Variants in PPP1R13B observed in about 807,000 individuals in gnomAD.
The protein encoded by PPP1R13B is protein phosphatase 1 regulatory subunit 13B, also known as apoptosis-stimulating of p53 protein 1.
Under a neutral mutation model 119.8 loss-of-function variants are expected in PPP1R13B, and 44 were observed. That is an observed-to-expected ratio of 0.37 (90% CI 0.29 to 0.47). The LOEUF is 0.47. Among genes scored for constraint, PPP1R13B ranks in the 20% least tolerant of loss-of-function variants. PPP1R13B has a pLI of 0.99. For missense variants in PPP1R13B, 1,227 were observed against 1,413.5 expected, an observed-to-expected ratio of 0.87 and a Z score of 2.12; for synonymous variants, 542 against 561.5, an observed-to-expected ratio of 0.97 and a Z score of 0.49.
intron 15 of PPP1R13B, 157 bp from the exon 16 acceptor site, chr14:103,736,359 G>A: frequency 2.8e-6 from 2 of 719,024 alleles, no homozygotes; most frequent in Non-Finnish European, 4.6e-6. Context: ...GAAGACTAGG[G>A]CCCCCACCCG....
Position 103,738,927 on chromosome 14 carries a change from G to A in PPP1R13B, c.2689C>T (p.Leu897=), listed in dbSNP as rs758708307. The change falls in exon 13 of 17, where the codon CTG becomes TTG. Residue 897 remains leucine (L), a synonymous_variant. Transcript: ENST00000202556. This position sits in a 1 kb window ranked among gnomAD's most constrained non-coding sequence, Gnocchi z 5.6. ...TGCACCAGATCGAACTCTCCTTCCA[G>A]AGACGCGTCTAGGAGCAGTGCCAGG... The part of the protein sequence containing the change: ...NPLALLLDAS[L]EGEFDLVQRI... 1 of 1,614,094 alleles carries A rather than the reference G, an allele frequency of 6.2e-7. No individual in the cohort carries two copies.
At chr14:103,820,105 A>G (rs1280418662) in intron 1 of PPP1R13B, among the ~76,000 whole-genome samples, 1 of 152,176 alleles carries the variant, frequency 6.6e-6, no homozygotes, top group Non-Finnish European at 1.5e-5. Flanking sequence ...GGGGCAGGGG[A>G]AAAAGGCCAG....
chr14:103,846,211 A>G (rs1295933935), intron 1 of PPP1R13B, among the ~76,000 whole-genome samples: 2 of 152,218 alleles, frequency 1.3e-5, no homozygotes, highest in Admixed American at 1.3e-4. Context: ...AAACCTTAAG[A>G]CTTGGAAAAC....
chr14:103,844,526 T>G (rs1328736149), intron 1 of PPP1R13B, among the ~76,000 whole-genome samples: 1 of 151,994 alleles, frequency 6.6e-6, no homozygotes, highest in Admixed American at 6.6e-5. Flanking sequence ...GGTCATGAGT[T>G]CAAGGTCAGC....
At chr14:103,805,348 ATT>A (rs1219844456) in intron 1 of PPP1R13B, among the ~76,000 whole-genome samples, 6 of 152,060 alleles carry the variant, frequency 3.9e-5, no homozygotes, top group Non-Finnish European at 5.9e-5. Flanking sequence ...ACGGTGGCAG[ATT>A]ACTTGAGCTC....
At chr14:103,845,520 C>T (rs960113986) in intron 1 of PPP1R13B, among the ~76,000 whole-genome samples, 2 of 151,884 alleles carry the variant, frequency 1.3e-5, no homozygotes, top group Admixed American at 6.6e-5. Context: ...AAGAAATGCC[C>T]CAATTCCCAG....
In PPP1R13B at chr14:103,753,812, C is replaced by T. The variant is rs148023606; in HGVS notation, c.631+258G>A. Among the ~76,000 whole-genome samples the T allele has an allele frequency of 3.0e-4, 45 of 152,170 alleles. No individual in the cohort carries two copies. In the East Asian group the frequency reaches 8.7e-3, roughly 29 times the overall value. On this transcript the variant is annotated intron_variant, in intron 6 of 16. Coordinates refer to ENST00000202556, the MANE Select transcript of PPP1R13B (RefSeq NM_015316.3). ...TCAGGCTGGGGAGCACTGGCCGGAT[C>T]GTGGCTTACTGCAGCCTTGACCTCC...
rs763507143 is a variant in PPP1R13B, at chr14:103,738,477, G to A, written c.2864+202C>T. On this transcript the variant is annotated intron_variant, in intron 14 of 16. Transcript: ENST00000202556. The surrounding 1 kb of genome is among the most constrained non-coding windows in gnomAD (Gnocchi z 5.6). ...ACAGAAAGAGCATAACCACAGCCAC[G>A]TTTTTAACAAAATCATCAAGAGAAA... 2.2e-5 allele frequency: 17 copies of A among 776,252 alleles called. No individual in the cohort carries two copies. The highest frequency in any genetic ancestry group is 1.1e-4 in the East Asian group (4 of 35,972). The allele number at this position is 776,252 out of a possible 1,614,324, so 48.1% of individuals were successfully genotyped here.
intron 1 of PPP1R13B, among the ~76,000 whole-genome samples, chr14:103,827,763 A>G (rs1167272492): frequency 1.3e-5 from 2 of 151,782 alleles, no homozygotes; most frequent in Non-Finnish European, 2.9e-5. Flanking sequence ...AAAGCTAACA[A>G]AACACTGAGG....
intron 2 of PPP1R13B, among the ~76,000 whole-genome samples, chr14:103,788,720 G>A (rs1191143369): frequency 6.6e-6 from 1 of 152,010 alleles, no homozygotes; most frequent in Admixed American, 6.6e-5. Flanking sequence ...TCCTCTGTGA[G>A]TCTACAGAAA....
chr14:103,836,108 C>G (rs947567720), intron 1 of PPP1R13B, among the ~76,000 whole-genome samples: 1 of 151,022 alleles, frequency 6.6e-6, no homozygotes, highest in Admixed American at 6.6e-5. Context: ...TGCAGAGGCA[C>G]GATCTTAGCT....
chr14:103,822,812 C>T (rs189416817), intron 1 of PPP1R13B, among the ~76,000 whole-genome samples: 30 of 149,728 alleles, frequency 2.0e-4, no homozygotes, highest in South Asian at 1.7e-3. Context: ...GACTCCATCT[C>T]GAGAAAAAAA....
rs543934658 is a variant in PPP1R13B, at chr14:103,842,254, A to G, written c.9+5045T>C. Among the ~76,000 whole-genome samples, 7 of 151,244 alleles carry G rather than the reference A, an allele frequency of 4.6e-5. No individual in the cohort carries two copies. The South Asian group carries it at 1.5e-3, about 32-fold the overall frequency. On this transcript the variant is annotated intron_variant, in intron 1 of 16. Coordinates refer to ENST00000202556, the MANE Select transcript of PPP1R13B (RefSeq NM_015316.3). The stretch of plus-strand genomic sequence containing the variant: ...CACTTCACAGCATCTAGTAGAAGTT[A>G]GGTGCCCCATTGCTAACATCACCAA...
intron 1 of PPP1R13B, among the ~76,000 whole-genome samples, chr14:103,804,982 G>A (rs113419453): frequency 0.087 from 13,257 of 152,172 alleles, 791 homozygotes; most frequent in Non-Finnish European, 0.13. Flanking sequence ...GATTATAGGC[G>A]CACGCTATCA....
chr14:103,846,008 T>C (rs548039285), intron 1 of PPP1R13B, among the ~76,000 whole-genome samples: 12 of 152,296 alleles, frequency 7.9e-5, no homozygotes, highest in African/African-American at 2.4e-4. Context: ...ACTTTAGAGG[T>C]AATTCCAGGC....
chr14:103,813,185 T>C (rs1000833568), intron 1 of PPP1R13B, among the ~76,000 whole-genome samples: 1 of 152,030 alleles, frequency 6.6e-6, no homozygotes, highest in Non-Finnish European at 1.5e-5. Flanking sequence ...ATAAACAAAC[T>C]GTGGTACATA....
upstream of PPP1R13B, chr14:103,847,610 G>A (rs895495619): frequency 1.0e-6 from 1 of 985,324 alleles, no homozygotes; most frequent in Non-Finnish European, 1.2e-6. Context: ...TTCAGCCCCC[G>A]CAGGCCCCGC....
At chr14:103,824,726 G>A (rs1403254386) in intron 1 of PPP1R13B, among the ~76,000 whole-genome samples, 1 of 151,560 alleles carries the variant, frequency 6.6e-6, no homozygotes, top group Non-Finnish European at 1.5e-5. Context: ...GCAAATGAGT[G>A]TCTTTAAGTC....
chr14:103,827,725 G>A (rs1031342405), intron 1 of PPP1R13B, among the ~76,000 whole-genome samples: 3 of 150,444 alleles, frequency 2.0e-5, no homozygotes, highest in African/African-American at 4.9e-5. Context: ...AAGAGACTTC[G>A]ATAACAATTG....
Sources: allele counts gnomAD v4.1 joint callset (sites outside exome capture counted in the v4.1 genomes callset), GRCh38; gene constraint gnomAD v4.1.1; non-coding constraint Gnocchi (gnomAD v3.1); transcripts MANE v1.5; gene names NCBI Gene and HGNC (gene_info 2026-07-23, HGNC 2026-07-21).